The following CCDC141 variants were observed in gnomAD, a reference collection of about 807,000 sequenced individuals.
CCDC141 encodes coiled-coil domain containing 141, also known as coiled-coil domain-containing protein 141.
A neutral mutation model predicts 181.0 loss-of-function variants in CCDC141; 168 were observed. That is an observed-to-expected ratio of 0.93 (90% confidence interval 0.82 to 1.05). The LOEUF (loss-of-function observed/expected upper bound fraction) is 1.05. Ranked by LOEUF, CCDC141 falls within the 50% of genes least tolerant of loss-of-function variation. The pLI is 0.00. For synonymous variants in CCDC141, 666 were observed against 642.3 expected (o/e 1.04, Z -0.56); for missense variants, 1,902 against 1,788.5 (o/e 1.06, Z -1.14).
chr2:178,924,034 A>G lies in CCDC141; in HGVS notation c.898-5127T>C, dbSNP rs555439811. 8.0e-4 allele frequency among the ~76,000 whole-genome samples: 122 copies of G among 152,366 alleles called. 2 individuals carry two copies. Among genetic ancestry groups the G allele is most frequent in the African/African-American group, 2.6e-3 (110 of 41,586 alleles). ...CTGCTCCAACTGAAAAGAAAAAATA[A>G]TAATAACTACAGTATGTTTAGTAAG... is the stretch of plus-strand genomic sequence containing the variant. On this transcript the variant is annotated intron_variant, in intron 6 of 23. Transcript: ENST00000443758.
At chr2:178,886,285 G>A (rs1459403260) in intron 10 of CCDC141, among the ~76,000 whole-genome samples, 3 of 151,822 alleles carry the variant, frequency 2.0e-5, no homozygotes, top group African/African-American at 7.3e-5. Flanking sequence ...AGGTGCTGTG[G>A]TGGGGGTGGG....
intron 4 of CCDC141, among the ~76,000 whole-genome samples, chr2:178,966,297 C>A (rs909293752): frequency 3.9e-5 from 6 of 152,178 alleles, no homozygotes; most frequent in Non-Finnish European, 2.9e-5. Context: ...TCAAGTGGGT[C>A]CCTGACCCCT....
chr2:178,825,922 A>C (rs1320959779), downstream of CCDC141, among the ~76,000 whole-genome samples: 1 of 152,118 alleles, frequency 6.6e-6, no homozygotes, highest in African/African-American at 2.4e-5. Flanking sequence ...GATATCTGTA[A>C]ATCAAATTAG....
At position 178,830,925 on chromosome 2, in the gene CCDC141, G is replaced by C. The variant is rs902781909; in HGVS notation, c.*3248C>G. ...CCTGAAGTTAAATGTCACTTTACTA[G>C]GGGTTGGGGGTAATAGGAGGGGATC... is the stretch of plus-strand genomic sequence containing the variant. On this transcript the variant is annotated 3_prime_UTR_variant, in exon 24 of 24. Transcript: ENST00000443758. 6.6e-6 allele frequency: 1 copy of C among 152,246 alleles called. No individual in the cohort carries two copies. The highest frequency in any genetic ancestry group is 1.5e-5 in the Non-Finnish European group (1 of 68,078). 9.4% of individuals were successfully genotyped at this position (152,246 alleles called of 1,614,324 possible). A position where few individuals can be genotyped will look rare whatever the true frequency, so the allele number is the denominator to read the frequency against.
chr2:179,024,455 T>C (rs2042775755), intron 2 of CCDC141, among the ~76,000 whole-genome samples: 1 of 152,214 alleles, frequency 6.6e-6, no homozygotes, highest in South Asian at 2.1e-4. Context: ...AATCCAAGCA[T>C]GGTGCTAGGC....
Position 178,837,147 on chromosome 2 carries a change from T to C in CCDC141, c.4072A>G (p.Thr1358Ala). The C allele has an allele frequency of 6.2e-7, 1 of 1,613,758 alleles. No individual in the cohort carries two copies. Among genetic ancestry groups the C allele is most frequent in the African/African-American group, 1.3e-5 (1 of 74,956 alleles). ...KMHADNNFTK[T>A]QDRLHASSDA... ...GAGGAAGCATGCAGCCTATCTTGGG[T>C]TTTAGTGAAGTTATTATCAGCATGC... Residue 1358 changes from threonine to alanine, a missense_variant, in exon 23 of 24, where the codon ACC becomes GCC. Physicochemically the swap from Thr to Ala is moderately conservative, Grantham distance 58 (BLOSUM62 0). Coordinates refer to ENST00000443758, the MANE Select transcript of CCDC141 (RefSeq NM_173648.4).
intron 18 of CCDC141, 84 bp from the exon 19 acceptor site, chr2:178,855,625 T>TA (rs2154367566): frequency 2.2e-6 from 2 of 917,358 alleles, no homozygotes; most frequent in Admixed American, 3.6e-5. Flanking sequence ...GAAAAACTGG[T>TA]AAAAATTTTG....
chr2:178,970,591 C>T (rs951870581), intron 4 of CCDC141, among the ~76,000 whole-genome samples: 18 of 152,120 alleles, frequency 1.2e-4, no homozygotes, highest in South Asian at 6.2e-4. Flanking sequence ...AACTGGACCC[C>T]GTCCTTACAC....
rs2042409697 is a variant in CCDC141 at position 179,015,094 on chromosome 2, ATATATATAT to A, written c.225+32181_225+32189del. Among the ~76,000 whole-genome samples the A allele has an allele frequency of 1.1e-4, 5 of 45,836 alleles. 1 individual carries two copies. Among genetic ancestry groups the A allele is most frequent in the Non-Finnish European group, 3.0e-4 (5 of 16,570 alleles). The allele number at this position is 45,836 out of a possible 152,430, so 30.1% of individuals were successfully genotyped here. A position where few individuals can be genotyped will look rare whatever the true frequency, so the allele number is the denominator to read the frequency against. ...TATATATATATATATATATATATAT[ATATATATAT>A]AATATATATATAATCATATATATAT... On this transcript the variant is annotated intron_variant, in intron 2 of 23. Coordinates refer to ENST00000443758, the MANE Select transcript of CCDC141 (RefSeq NM_173648.4).
At chr2:179,015,496 G>GT (rs2042470729) in intron 2 of CCDC141, among the ~76,000 whole-genome samples, 7 of 44,882 alleles carry the variant, frequency 1.6e-4, no homozygotes, top group Admixed American at 1.5e-3. Flanking sequence ...TCATATATGT[G>GT]CCATATATAT....
intron 11 of CCDC141, among the ~76,000 whole-genome samples, chr2:178,881,958 C>CAT (rs1277851220): frequency 1.7e-4 from 25 of 149,094 alleles, no homozygotes; most frequent in Non-Finnish European, 3.4e-4. Context: ...CACACACACA[C>CAT]ACACCAGTCT....
intron 6 of CCDC141, among the ~76,000 whole-genome samples, chr2:178,938,921 T>C (rs1020145121): frequency 6.6e-6 from 1 of 152,166 alleles, no homozygotes; most frequent in African/African-American, 2.4e-5. Flanking sequence ...TCCCAGAACG[T>C]ATTCTGTTCT....
intron 2 of CCDC141, among the ~76,000 whole-genome samples, chr2:179,044,176 A>G (rs2154389874): frequency 6.6e-6 from 1 of 152,380 alleles, no homozygotes; most frequent in Admixed American, 6.5e-5. Context: ...CAAATGGAAG[A>G]ACATTCCATG....
chr2:179,008,501 T>C (rs2042174760), intron 2 of CCDC141, among the ~76,000 whole-genome samples: 1 of 152,144 alleles, frequency 6.6e-6, no homozygotes, highest in Non-Finnish European at 1.5e-5. Flanking sequence ...CAAACCTCAC[T>C]CAGTGAACTG....
At chr2:178,853,364 T>G (rs1685246399) in intron 20 of CCDC141, 77 bp downstream of exon 20, 2 of 1,351,060 alleles carry the variant, frequency 1.5e-6, no homozygotes, top group Non-Finnish European at 2.1e-6. Flanking sequence ...CTTGCCACAC[T>G]CTTGCTGTCT....
intron 2 of CCDC141, among the ~76,000 whole-genome samples, chr2:178,987,209 C>A (rs1161927873): frequency 2.0e-5 from 3 of 147,444 alleles, no homozygotes; most frequent in African/African-American, 5.0e-5. Flanking sequence ...CAAAAACAAG[C>A]AATGGGGAAA....
At chr2:178,999,327 C>G (rs1304794935) in intron 2 of CCDC141, among the ~76,000 whole-genome samples, 1 of 152,158 alleles carries the variant, frequency 6.6e-6, no homozygotes, top group Non-Finnish European at 1.5e-5. Context: ...ACTGAGTCAA[C>G]TCCTACATAT....
chr2:179,013,080 A>T (rs2042316279), intron 2 of CCDC141, among the ~76,000 whole-genome samples: 1 of 151,960 alleles, frequency 6.6e-6, no homozygotes, highest in Non-Finnish European at 1.5e-5. Flanking sequence ...CATTCTCACC[A>T]CTCCTCTTCA....
intron 4 of CCDC141, among the ~76,000 whole-genome samples, chr2:178,962,422 C>G (rs367657029): frequency 6.6e-5 from 10 of 152,272 alleles, no homozygotes; most frequent in African/African-American, 2.2e-4. Context: ...ATTTTACATG[C>G]TATCTCTGGC....
Sources: allele counts gnomAD v4.1 joint callset (sites outside exome capture counted in the v4.1 genomes callset), GRCh38; gene constraint gnomAD v4.1.1; transcripts MANE v1.5; gene names NCBI Gene and HGNC (gene_info 2026-07-23, HGNC 2026-07-21).